Variants in PLIN4 observed in about 807,000 individuals in gnomAD.
PLIN4 encodes perilipin 4.
In PLIN4, 57 loss-of-function variants were observed where a neutral mutation model predicts 52.4. That is an observed-to-expected ratio of 1.09 (90% CI 0.88 to 1.36). The LOEUF (loss-of-function observed/expected upper bound fraction) is 1.36, where lower values mean the gene tolerates loss of function less well. Ranked by LOEUF, PLIN4 falls within the 40% of genes most tolerant of loss-of-function variation. The pLI, the probability that PLIN4 is intolerant of heterozygous loss-of-function variation, is 0.00. For synonymous variants in PLIN4, 826 were observed against 785.4 expected, an observed-to-expected ratio of 1.05 and a Z score of -0.86; for missense variants, 1,757 against 1,770.3, an observed-to-expected ratio of 0.99 and a Z score of 0.13.
At position 4,509,497 on chromosome 19, in the gene PLIN4, C is replaced by T. The variant is rs142910223; in HGVS notation, c.3515-542G>A. ...ATAATTAGCCGGGTGTGGTGGCGGG[C>T]GCCTATAATCGCAGCTACTCGGGAG... On this transcript the variant is annotated intron_variant, in intron 5 of 7. Transcript: ENST00000301286. Among the ~76,000 whole-genome samples the T allele has an allele frequency of 9.1e-3, 1,337 of 146,802 alleles. 20 individuals are homozygous for T. The highest frequency in any genetic ancestry group is 0.032 in the African/African-American group (1,268 of 39,692).
At position 4,511,082 on chromosome 19, in the gene PLIN4, C is replaced by G. The variant is rs201223343; in HGVS notation, c.2878G>C (p.Ala960Pro). The G allele has an allele frequency of 1.9e-6, 3 of 1,613,326 alleles. No individual in the cohort carries two copies. Among genetic ancestry groups the G allele is most frequent in the Non-Finnish European group, 2.5e-6 (3 of 1,179,836 alleles). The change falls in exon 5 of 8, where the codon GCT (alanine) becomes CCT (proline). Residue 960 changes from alanine (A) to proline (P), a missense_variant. Transcript: ENST00000301286. ...ACTCCAGTAGTCACTGCATCCTTAG[C>G]GCCACTCAGCACCGTCTTGGCTGTG... ...VDTAKTVLSG[A>P]KDAVTTGVTG... is the part of the protein sequence containing the mutation.
chr19:4,504,568 C>A lies in PLIN4; in HGVS notation c.4007G>T (p.Gly1336Val). 2 of 1,603,072 alleles carry A rather than the reference C, an allele frequency of 1.2e-6. No homozygotes were observed. Among genetic ancestry groups the A allele is most frequent in the South Asian group, 2.2e-5 (2 of 89,900 alleles). Residue 1336 changes from glycine to valine, a missense_variant, in exon 8 of 8, where the codon GGT becomes GTT. Physicochemically the swap from Gly to Val is moderately radical, Grantham distance 109 (BLOSUM62 -3). This residue lies in a region of PLIN4 where 712 missense variants were observed against 637.1 expected (regional missense o/e 1.12). Coordinates refer to ENST00000301286, the MANE Select transcript of PLIN4 (RefSeq NM_001367868.2). ...PAERLVQSRE[G>V]VHQAWQGLEQ... ...TAACCCCTGCCAAGCCTGGTGCACACCCTCGCGGCTCTGCACCAGCCGCTC... is the reference window on the plus strand; with the variant it reads ...TAACCCCTGCCAAGCCTGGTGCACAACCTCGCGGCTCTGCACCAGCCGCTC...
intron 4 of PLIN4, among the ~76,000 whole-genome samples, chr19:4,515,203 AAATG>A (rs1426579867): frequency 2.0e-5 from 3 of 151,958 alleles, no homozygotes; most frequent in Non-Finnish European, 2.9e-5. Flanking sequence ...AAAAACACAA[AAATG>A]AATGAAGATG....
chr19:4,511,947 C>T lies in PLIN4; in HGVS notation c.2013G>A (p.Val671=). The part of the protein sequence containing the change: ...TGTKNTFGSG[V]TSAVNVAKGA... The stretch of plus-strand genomic sequence containing the variant: ...CTTTGGCCACATTCACAGCACTGGT[C>T]ACCCCACTGCCAAAGGTGTTCTTTG... Residue 671 remains valine (V), a synonymous_variant, in exon 5 of 8, where the codon GTG becomes GTA. Transcript: ENST00000301286. The T allele has an allele frequency of 1.9e-6, 3 of 1,598,728 alleles. No individual in the cohort carries two copies. Among genetic ancestry groups the T allele is most frequent in the Non-Finnish European group, 2.6e-6 (3 of 1,172,958 alleles).
rs1599731045 is a variant in PLIN4, at chr19:4,502,303, C to T, written c.*2156G>A. ...GCAGTGTCACTGGGCCCGTTTGGGACTGGGTTGAGCCATCAGGCCACCGTG... is the reference window on the plus strand; with the variant it reads ...GCAGTGTCACTGGGCCCGTTTGGGATTGGGTTGAGCCATCAGGCCACCGTG... On this transcript the variant is annotated 3_prime_UTR_variant, in exon 8 of 8. Coordinates refer to ENST00000301286, the MANE Select transcript of PLIN4 (RefSeq NM_001367868.2). 2 of 474,094 alleles carry T rather than the reference C, an allele frequency of 4.2e-6. No homozygotes were observed. The highest frequency in any genetic ancestry group is 6.9e-5 in the Admixed American group (2 of 29,038). 29.4% of individuals were successfully genotyped at this position (474,094 alleles called of 1,614,324 possible).
In PLIN4 at chr19:4,518,466, G is replaced by T. The variant is rs930914798; in HGVS notation, c.-99C>A. On this transcript the variant is annotated 5_prime_UTR_variant, in exon 1 of 8. Transcript: ENST00000301286. ...GACTGCGCGGGGTCCCCTGGAGGAC[G>T]GACCGGCCCGGCTGGCAGCTGGCTC... is the stretch of plus-strand genomic sequence containing the variant. 4 of 1,218,942 alleles carry T rather than the reference G, an allele frequency of 3.3e-6. No homozygotes were observed. Among genetic ancestry groups the T allele is most frequent in the Non-Finnish European group, 4.1e-6 (4 of 980,314 alleles). The allele number at this position is 1,218,942 out of a possible 1,614,324, so 75.5% of individuals were successfully genotyped here. A position where few individuals can be genotyped will look rare whatever the true frequency, so the allele number is the denominator to read the frequency against.
intron 3 of PLIN4, among the ~76,000 whole-genome samples, chr19:4,517,131 C>T (rs540231851): frequency 1.3e-5 from 2 of 152,328 alleles, no homozygotes; most frequent in East Asian, 1.9e-4. Flanking sequence ...TTCCCTGTCA[C>T]CGTCCCTGAT....
At chr19:4,508,362 G>A (rs1568227069) in intron 6 of PLIN4, among the ~76,000 whole-genome samples, 2 of 152,170 alleles carry the variant, frequency 1.3e-5, no homozygotes, top group East Asian at 1.9e-4. Context: ...GTTCAACCTC[G>A]CCTCCCAGAT....
chr19:4,516,709 G>A (rs1368754707), intron 3 of PLIN4, 31 bp from the exon 4 acceptor site: 2 of 1,556,864 alleles, frequency 1.3e-6, no homozygotes, highest in Non-Finnish European at 1.7e-6. Flanking sequence ...CAGGGAGAGT[G>A]AGGGATGCAG....
chr19:4,514,732 A>AATAATG (rs960492725), intron 4 of PLIN4, among the ~76,000 whole-genome samples: 3 of 147,936 alleles, frequency 2.0e-5, no homozygotes, highest in Non-Finnish European at 3.0e-5. Flanking sequence ...TGTCTCAAAT[A>AATAATG]ATAATGATAA....
rs759116371 is a variant in PLIN4 at position 4,517,609 on chromosome 19, C to T, written c.141G>A (p.Pro47=). ...ANAHSSARAR[P]AADPTGAPAA... ...CAGGCGCTCCTGTGGGGTCAGCGGC[C>T]GGCCGGGCTCTCGCCGAGCTATGTG... The change falls in exon 3 of 8, where the codon CCG becomes CCA. Residue 47 remains proline (P), a synonymous_variant. Coordinates refer to ENST00000301286, the MANE Select transcript of PLIN4 (RefSeq NM_001367868.2). The T allele has an allele frequency of 2.4e-5, 38 of 1,610,736 alleles. No individual in the cohort carries two copies. Among genetic ancestry groups the T allele is most frequent in the Middle Eastern group, 1.7e-4 (1 of 5,894 alleles).
At chr19:4,513,751 T>C in intron 4 of PLIN4, 50 bp from the exon 5 acceptor site, 2 of 1,517,546 alleles carry the variant, frequency 1.3e-6, no homozygotes, top group South Asian at 1.3e-5. Flanking sequence ...AGAGGTGTAC[T>C]CCACCCCGAT....
rs753131093 is a variant in PLIN4, at chr19:4,512,768, C to T, written c.1192G>A (p.Gly398Ser). 28 of 1,560,644 alleles carry T rather than the reference C, an allele frequency of 1.8e-5. 4 individuals carry two copies. The Admixed American group carries it at 3.6e-4, about 20-fold the overall frequency. Reference sequence around the variant, plus strand: ...CCAGTGGACATCGTGTCTTTCGTACCCATGACCATAGACTTGGTGGTATCC... The same window carrying T: ...CCAGTGGACATCGTGTCTTTCGTACTCATGACCATAGACTTGGTGGTATCC... ...GLDTTKSMVM[G>S]TKDTMSTGLT... The change falls in exon 5 of 8, where the codon GGT becomes AGT. Residue 398 changes from glycine (G) to serine (S), a missense_variant. Gly to Ser is a moderately conservative substitution (Grantham distance 56). Around this residue, in one of 7 missense-constraint regions of PLIN4, gnomAD observed 439 missense variants for 406.4 expected, o/e 1.08. Coordinates refer to ENST00000301286, the MANE Select transcript of PLIN4 (RefSeq NM_001367868.2).
At chr19:4,506,968 G>C (rs1400787932) in intron 6 of PLIN4, among the ~76,000 whole-genome samples, 1 of 152,222 alleles carries the variant, frequency 6.6e-6, no homozygotes, top group Non-Finnish European at 1.5e-5. Context: ...GGACACGGGG[G>C]CTAGATGGTT....
At chr19:4,516,970 A>G (rs8102428) in intron 3 of PLIN4, among the ~76,000 whole-genome samples, 31,474 of 152,144 alleles carry the variant, frequency 0.21, 6,156 homozygotes, top group African/African-American at 0.52. Flanking sequence ...ATAGCCTGGC[A>G]TGGGGGAACA....
chr19:4,504,838 C>A (rs1470696419), intron 7 of PLIN4, 23 bp downstream of exon 7: 1 of 1,603,686 alleles, frequency 6.2e-7, no homozygotes, highest in Admixed American at 1.7e-5. Context: ...GGTGGGGGGA[C>A]CCTAGCCCTG....
chr19:4,517,736 A>G, intron 2 of PLIN4, 38 bp from the exon 3 acceptor site: 1 of 1,552,528 alleles, frequency 6.4e-7, no homozygotes, highest in Non-Finnish European at 8.7e-7. Flanking sequence ...TGAGCAGGCC[A>G]AGCCTCGGCA....
At position 4,510,440 on chromosome 19, in the gene PLIN4, C is replaced by G. The variant is rs772032820; in HGVS notation, c.3514+6G>C. ...CAGGGACCCATGAACCCAGGCGTCCCCTCACCTTGCTCCTCCGCATTCATG... is the reference window on the plus strand; with the variant it reads ...CAGGGACCCATGAACCCAGGCGTCCGCTCACCTTGCTCCTCCGCATTCATG... On this transcript the variant is annotated splice_donor_region_variant and intron_variant, in intron 5 of 7. Coordinates refer to ENST00000301286, the MANE Select transcript of PLIN4 (RefSeq NM_001367868.2). The G allele has an allele frequency of 7.1e-7, 1 of 1,411,064 alleles. No homozygotes were observed. The highest frequency in any genetic ancestry group is 2.7e-5 in the Admixed American group (1 of 36,936). The allele number at this position is 1,411,064 out of a possible 1,614,324, so 87.4% of individuals were successfully genotyped here. A position where few individuals can be genotyped will look rare whatever the true frequency, so the allele number is the denominator to read the frequency against.
chr19:4,511,635 C>G lies in PLIN4; in HGVS notation c.2325G>C (p.Lys775Asn), dbSNP rs7256387. 1,268,334 of 1,493,430 alleles carry G rather than the reference C, an allele frequency of 0.85. 523,526 individuals are homozygous for G. Among genetic ancestry groups the G allele is most frequent in the East Asian group, 0.92 (35,898 of 39,208 alleles). The allele number at this position is 1,493,430 out of a possible 1,614,324, so 92.5% of individuals were successfully genotyped here. Residue 775 changes from lysine (K) to asparagine (N), a missense_variant, in exon 5 of 8, where the codon AAG (lysine) becomes AAC (asparagine). Lys to Asn is a moderately conservative substitution (Grantham distance 94). Transcript: ENST00000301286. ...CGGTCTGGACAGTCCCTTTGGCCAACTTCACAGCCCCTGTGAGCCCAGTGG... is the reference window on the plus strand; with the variant it reads ...CGGTCTGGACAGTCCCTTTGGCCAAGTTCACAGCCCCTGTGAGCCCAGTGG... ...AVSTGLTGAV[K>N]LAKGTVQTGM...
Sources: gnomAD v4.1 joint callset for allele counts (sites outside exome capture counted in the v4.1 genomes callset) on GRCh38, gnomAD v4.1.1 for gene constraint, gnomAD v4.1.1 regional missense constraint, MANE v1.5 for transcripts, NCBI Gene and HGNC (gene_info 2026-07-23, HGNC 2026-07-21) for gene names.